Variants in ILRUN observed in about 807,000 individuals in gnomAD.
ILRUN encodes the protein protein ILRUN.
Under a neutral mutation model 33.8 loss-of-function variants are expected in ILRUN, and 3 were observed. The ratio of observed to expected loss-of-function variants is 0.09; its 90% CI spans 0.04 to 0.23. ILRUN has a LOEUF of 0.23. ILRUN is among the 10% of genes least tolerant of loss of function. ILRUN has a pLI of 1.00. For synonymous variants in ILRUN, 124 were observed against 138.9 expected, an observed-to-expected ratio of 0.89 and a Z score of 0.75; for missense variants, 210 against 375.1, an observed-to-expected ratio of 0.56 and a Z score of 3.64.
chr6:34,595,993 G>GTAT, intron 4 of ILRUN: 1 of 911,688 alleles, frequency 1.1e-6, no homozygotes, highest in Non-Finnish European at 1.3e-6. Flanking sequence ...ACTAAGTCCT[G>GTAT]TCCTGATTTA....
chr6:34,680,529 A>G (rs1022871225), intron 1 of ILRUN, among the ~76,000 whole-genome samples: 6 of 152,044 alleles, frequency 3.9e-5, no homozygotes, highest in Admixed American at 1.3e-4. Flanking sequence ...CAGTGGCGCC[A>G]TCTCGGCTCA....
At chr6:34,606,434 T>G (rs1323335801) in intron 4 of ILRUN, 121 bp downstream of exon 4, 1 of 702,750 alleles carries the variant, frequency 1.4e-6, no homozygotes. Context: ...GCAGGAGAGC[T>G]GAGCAGTCTT....
At chr6:34,673,860 C>G (rs943167276) in intron 1 of ILRUN, among the ~76,000 whole-genome samples, 3 of 149,488 alleles carry the variant, frequency 2.0e-5, no homozygotes, top group African/African-American at 7.6e-5. Flanking sequence ...CACACACACG[C>G]TGGGTGACAG....
intron 4 of ILRUN, among the ~76,000 whole-genome samples, chr6:34,597,927 G>A (rs1761434831): frequency 6.6e-6 from 1 of 151,976 alleles, no homozygotes; most frequent in African/African-American, 2.4e-5. Flanking sequence ...CTCCATCAAG[G>A]GATCAATTTC....
chr6:34,660,878 G>A (rs1762873227), intron 1 of ILRUN, among the ~76,000 whole-genome samples: 2 of 152,166 alleles, frequency 1.3e-5, no homozygotes, highest in Non-Finnish European at 2.9e-5. Context: ...TGGGCTAAAG[G>A]CAACGGTCAA....
intron 3 of ILRUN, among the ~76,000 whole-genome samples, chr6:34,609,689 G>C (rs1017958108): frequency 8.5e-5 from 13 of 152,266 alleles, no homozygotes; most frequent in African/African-American, 3.1e-4. Context: ...ATTAAGAACT[G>C]GTTGTATCCA....
At position 34,588,609 on chromosome 6, in the gene ILRUN, G is replaced by A. The variant is rs1761238516; in HGVS notation, c.*1956C>T. On this transcript the variant is annotated 3_prime_UTR_variant, in exon 5 of 5. Coordinates refer to ENST00000374023, the MANE Select transcript of ILRUN (RefSeq NM_024294.4). ...GCCTGTGGCGTGGGTACCTGGCAGA[G>A]ACTTCCCTCTGCTCTGCTAGGGAGT... is the stretch of plus-strand genomic sequence containing the variant. 1 of 175,784 alleles carries A rather than the reference G, an allele frequency of 5.7e-6. No individual in the cohort carries two copies. The highest frequency in any genetic ancestry group is 1.2e-5 in the Non-Finnish European group (1 of 83,894). 10.9% of individuals were successfully genotyped at this position (175,784 alleles called of 1,614,324 possible).
chr6:34,696,176 C>T (rs552027576), intron 1 of ILRUN: 129 of 435,292 alleles, frequency 3.0e-4, no homozygotes, highest in African/African-American at 2.4e-3. Context: ...CGTCCCTTGG[C>T]CCCTAATCCT....
intron 1 of ILRUN, among the ~76,000 whole-genome samples, chr6:34,668,121 GA>G (rs1763042235): frequency 1.3e-5 from 2 of 150,982 alleles, no homozygotes; most frequent in South Asian, 2.1e-4. Flanking sequence ...AATGGTTCAG[GA>G]AAAAAAAAGT....
intron 3 of ILRUN, among the ~76,000 whole-genome samples, chr6:34,634,954 T>C (rs994485886): frequency 3.3e-5 from 5 of 152,194 alleles, no homozygotes; most frequent in African/African-American, 1.2e-4. Context: ...ACCAGCCATA[T>C]GGTGGCTATT....
intron 4 of ILRUN, chr6:34,595,611 C>A (rs1761384932): frequency 3.5e-6 from 1 of 282,920 alleles, no homozygotes; most frequent in Non-Finnish European, 5.3e-6. Context: ...GGCTGAAATT[C>A]CTAATGAAAA....
chr6:34,664,129 T>C (rs1762950050), intron 1 of ILRUN, among the ~76,000 whole-genome samples: 1 of 152,192 alleles, frequency 6.6e-6, no homozygotes, highest in Admixed American at 6.5e-5. Flanking sequence ...CAGAGACCAT[T>C]TGAACTTGTG....
chr6:34,658,495 T>TC (rs200947208), intron 1 of ILRUN, among the ~76,000 whole-genome samples: 195 of 150,466 alleles, frequency 1.3e-3, no homozygotes, highest in Non-Finnish European at 2.3e-3. Context: ...TTTTTCTTTT[T>TC]TTTTTTTTTT....
chr6:34,645,651 C>CCT (rs1347257258), intron 3 of ILRUN, among the ~76,000 whole-genome samples: 4 of 152,162 alleles, frequency 2.6e-5, no homozygotes, highest in Non-Finnish European at 5.9e-5. Flanking sequence ...GGATTATAGG[C>CCT]GTGTGCCACC....
Position 34,654,728 on chromosome 6 carries a change from G to A in ILRUN, c.210C>T (p.Ile70=). The A allele has an allele frequency of 1.2e-6, 2 of 1,614,004 alleles. No individual in the cohort carries two copies. The highest frequency in any genetic ancestry group is 1.7e-6 in the Non-Finnish European group (2 of 1,179,948). ...CAACAAAGGACATAGAGGGCACACT[G>A]ATGTTTGGGCTCTCAAAGTCATAAT... ...GAYYDFESPN[I]SVPSMSFVED... The change falls in exon 2 of 5, where the codon ATC becomes ATT. Residue 70 remains isoleucine (I), a synonymous_variant. Transcript: ENST00000374023.
At chr6:34,648,177 T>C (rs1359377641) in intron 2 of ILRUN, among the ~76,000 whole-genome samples, 1 of 152,218 alleles carries the variant, frequency 6.6e-6, no homozygotes, top group Non-Finnish European at 1.5e-5. Context: ...AGACAGAAAC[T>C]TCTATATATC....
At chr6:34,623,533 A>C (rs1015250279) in intron 3 of ILRUN, among the ~76,000 whole-genome samples, 2 of 152,160 alleles carry the variant, frequency 1.3e-5, no homozygotes, top group Non-Finnish European at 2.9e-5. Flanking sequence ...AAAAAAGCAT[A>C]ATCTGAGTGG....
At chr6:34,621,549 T>A (rs1300623897) in intron 3 of ILRUN, among the ~76,000 whole-genome samples, 2 of 152,182 alleles carry the variant, frequency 1.3e-5, no homozygotes, top group Admixed American at 1.3e-4. Flanking sequence ...GACTAACTTA[T>A]TCCTGATGTC....
intron 1 of ILRUN, among the ~76,000 whole-genome samples, chr6:34,668,971 G>A (rs1293953561): frequency 5.9e-5 from 9 of 151,638 alleles, no homozygotes; most frequent in African/African-American, 2.2e-4. Flanking sequence ...AGCCTCCTGA[G>A]TAGCTGGGAT....
Sources: allele counts gnomAD v4.1 joint callset (sites outside exome capture counted in the v4.1 genomes callset), GRCh38; gene constraint gnomAD v4.1.1; transcripts MANE v1.5; gene names NCBI Gene and HGNC (gene_info 2026-07-23, HGNC 2026-07-21).